Variants in MYH2 observed in about 807,000 individuals in gnomAD.
MYH2 encodes myosin heavy chain 2.
In MYH2, 139 loss-of-function variants were observed where a neutral mutation model predicts 228.1. That is an observed-to-expected ratio of 0.61 (90% confidence interval 0.53 to 0.70). The LOEUF (loss-of-function observed/expected upper bound fraction) is 0.70. Among genes scored for constraint, MYH2 ranks in the 30% least tolerant of loss-of-function variants. MYH2 has a pLI of 0.00. For synonymous variants in MYH2, 796 were observed against 871.1 expected, an observed-to-expected ratio of 0.91 and a Z score of 1.52; for missense variants, 1,809 against 2,357.5, an observed-to-expected ratio of 0.77 and a Z score of 4.82.
rs181340024 is a variant in MYH2, at chr17:10,533,272, A to G, written c.2441+13T>C. ...TTGAAGATGGAATATGTGAATAAAC[A>G]TATTTTTTATACCTTCTCTCCACCA... On this transcript the variant is annotated intron_variant, in intron 21 of 39. Coordinates refer to ENST00000245503, the MANE Select transcript of MYH2 (RefSeq NM_017534.6). 17 of 1,613,930 alleles carry G rather than the reference A, an allele frequency of 1.1e-5. No individual in the cohort carries two copies. The highest frequency in any genetic ancestry group is 3.3e-5 in the Admixed American group (2 of 60,002).
intron 39 of MYH2, 50 bp downstream of exon 39, chr17:10,523,040 G>A: frequency 7.7e-7 from 1 of 1,305,124 alleles, no homozygotes; most frequent in Non-Finnish European, 1.1e-6. Context: ...ACAAGAAGTA[G>A]TAATTATTTA....
Position 10,545,456 on chromosome 17 carries a change from A to G in MYH2, c.395T>C (p.Leu132Pro). 1.2e-6 allele frequency: 2 copies of G among 1,614,220 alleles called. No homozygotes were observed. The highest frequency in any genetic ancestry group is 1.7e-6 in the Non-Finnish European group (2 of 1,180,036). The change falls in exon 5 of 40, where the codon CTG (leucine) becomes CCG (proline). Residue 132 changes from leucine to proline, a missense_variant. By Grantham distance (98) the Leu-to-Pro change is moderately conservative (BLOSUM62 -3). Transcript: ENST00000245503. ...FCVTVNPYKW[L>P]PVYKPEVVTA... ...CACCACCTCGGGCTTATACACAGGC[A>G]GCCACTTGTAGGGGTTGACAGTGAC...
In MYH2 at chr17:10,547,629, G is replaced by C; in HGVS notation, c.205-11C>G. ...CTTCACTGTCAGAGTCTGGTAAACAGGAAAGATAACCGTTTACATTAATTG... is the reference window on the plus strand; with the variant it reads ...CTTCACTGTCAGAGTCTGGTAAACACGAAAGATAACCGTTTACATTAATTG... On this transcript the variant is annotated splice_polypyrimidine_tract_variant and intron_variant, in intron 3 of 39. Transcript: ENST00000245503. 6.2e-7 allele frequency: 1 copy of C among 1,614,126 alleles called. No individual in the cohort carries two copies. Among genetic ancestry groups the C allele is most frequent in the Non-Finnish European group, 8.5e-7 (1 of 1,180,022 alleles).
In MYH2 at chr17:10,529,549, T is replaced by A. The variant is rs2073398881; in HGVS notation, c.3117+15A>T. 6.2e-7 allele frequency: 1 copy of A among 1,614,124 alleles called. No individual in the cohort carries two copies. The highest frequency in any genetic ancestry group is 1.3e-5 in the African/African-American group (1 of 74,946). On this transcript the variant is annotated intron_variant, in intron 24 of 39. Transcript: ENST00000245503. The stretch of plus-strand genomic sequence containing the variant: ...CTTTAGAAGAAAAGAATGTCCTTGA[T>A]GATACCAGACTTACATCATCCACTT...
In MYH2 at chr17:10,537,211, A is replaced by G. The variant is rs759830754; in HGVS notation, c.1897+22T>C. 1.6e-5 allele frequency: 26 copies of G among 1,613,608 alleles called. No individual in the cohort carries two copies. The highest frequency in any genetic ancestry group is 2.0e-5 in the Non-Finnish European group (24 of 1,179,612). The stretch of plus-strand genomic sequence containing the variant: ...TCACATTTTGTAATACCTAGAGAGT[A>G]TTATTAACATTTGAGCATTACCTCC... On this transcript the variant is annotated intron_variant, in intron 16 of 39. Transcript: ENST00000245503. The surrounding 1 kb of genome is among the most constrained non-coding windows in gnomAD (Gnocchi z 4.0).
intron 5 of MYH2, 21 bp downstream of exon 5, chr17:10,545,325 C>G: frequency 6.2e-7 from 1 of 1,612,724 alleles, no homozygotes; most frequent in Non-Finnish European, 8.5e-7. Context: ...TACGCACTTG[C>G]AAAGCATTCG....
intron 27 of MYH2, 113 bp from the exon 28 acceptor site, chr17:10,527,987 A>G (rs2073374828): frequency 7.7e-7 from 1 of 1,304,652 alleles, no homozygotes; most frequent in Non-Finnish European, 1.0e-6. Flanking sequence ...TTATCTTAAT[A>G]TAGAAAAGAA....
chr17:10,544,820 C>T (rs2073604621), intron 5 of MYH2, among the ~76,000 whole-genome samples: 1 of 152,126 alleles, frequency 6.6e-6, no homozygotes, highest in Admixed American at 6.6e-5. Flanking sequence ...CCAAATACAC[C>T]TTAAATCTGG....
intron 21 of MYH2, among the ~76,000 whole-genome samples, chr17:10,532,515 C>T (rs755128134): frequency 3.9e-5 from 6 of 151,948 alleles, no homozygotes; most frequent in Non-Finnish European, 7.4e-5. Context: ...ATATATATAT[C>T]GTGGATCATG....
chr17:10,533,574 C>T lies in MYH2; in HGVS notation c.2239G>A (p.Ala747Thr). ...ATGGATGCAAGGAGCTTCTCAGAGG[C>T]CTTCTTGCTATCAATGAATTGCCCT... ...PEGQFIDSKK[A>T]SEKLLASIDI... The change falls in exon 20 of 40, where the codon GCC (alanine) becomes ACC (threonine). Residue 747 changes from alanine to threonine, a missense_variant. Around this residue, in one of 9 missense-constraint regions of MYH2, gnomAD observed 276 missense variants for 344.2 expected, o/e 0.80. Coordinates refer to ENST00000245503, the MANE Select transcript of MYH2 (RefSeq NM_017534.6). 6.2e-7 allele frequency: 1 copy of T among 1,614,100 alleles called. No homozygotes were observed. Among genetic ancestry groups the T allele is most frequent in the Non-Finnish European group, 8.5e-7 (1 of 1,179,954 alleles).
chr17:10,524,761 A>C lies in MYH2; in HGVS notation c.4967T>G (p.Leu1656Arg). The C allele has an allele frequency of 6.2e-7, 1 of 1,614,160 alleles. No individual in the cohort carries two copies. Among genetic ancestry groups the C allele is most frequent in the Non-Finnish European group, 8.5e-7 (1 of 1,180,034 alleles). ...CCATCTCTTGGACATATTTACCTTG[A>C]GGATGCCTTGGGTGTTCCTGTAGTT... The part of the protein sequence containing the change: ...LRNYRNTQGI[L>R]KDTQIHLDDA... Residue 1656 changes from leucine to arginine, a missense_variant, in exon 34 of 40, where the codon CTC becomes CGC. By Grantham distance (102) the Leu-to-Arg change is moderately radical. Transcript: ENST00000245503. This position sits in a 1 kb window ranked among gnomAD's most constrained non-coding sequence, Gnocchi z 4.7.
chr17:10,535,321 A>AGGATGGG lies in MYH2; in HGVS notation c.2012_2018dup (p.His674ProfsTer12). ...TGGGGATGATACACCTCACAAAGTGAGGATGGGTACTCCTGAGGTTGGTCA... is the reference window on the plus strand; with the variant it reads ...TGGGGATGATACACCTCACAAAGTGAGGATGGGGGATGGGTACTCCTGAGGTTGGTCA... On this transcript the variant is annotated frameshift_variant, in exon 18 of 40. Coordinates refer to ENST00000245503, the MANE Select transcript of MYH2 (RefSeq NM_017534.6). LOFTEE classifies it high-confidence loss of function. The AGGATGGG allele has an allele frequency of 6.2e-7, 1 of 1,614,204 alleles. No homozygotes were observed. Among genetic ancestry groups the AGGATGGG allele is most frequent in the South Asian group, 1.1e-5 (1 of 91,088 alleles).
chr17:10,549,631 C>T lies in MYH2; in HGVS notation c.-64+5G>A, dbSNP rs1567739449. ...TCTTGAAAGGCCCGTCCTGCTCCCA[C>T]TTACCTTGGAGCTTTTTAAAGCAGG... is the stretch of plus-strand genomic sequence containing the variant. On this transcript the variant is annotated splice_donor_5th_base_variant and intron_variant, in intron 1 of 39. Coordinates refer to ENST00000245503, the MANE Select transcript of MYH2 (RefSeq NM_017534.6). 2.6e-5 allele frequency: 4 copies of T among 152,204 alleles called. No homozygotes were observed. In the South Asian group the frequency reaches 8.3e-4, roughly 31 times the overall value. The allele number at this position is 152,204 out of a possible 1,614,324, so 9.4% of individuals were successfully genotyped here.
intron 16 of MYH2, 127 bp from the exon 17 acceptor site, chr17:10,536,733 G>GA: frequency 1.2e-6 from 1 of 827,916 alleles, no homozygotes; most frequent in Non-Finnish European, 2.0e-6. Flanking sequence ...GATTGAGCCT[G>GA]AATGAATCTT....
Position 10,525,296 on chromosome 17 carries a change from A to G in MYH2, c.4590T>C (p.His1530=), listed in dbSNP as rs1246983205. The G allele has an allele frequency of 4.3e-6, 7 of 1,614,072 alleles. No homozygotes were observed. The highest frequency in any genetic ancestry group is 1.1e-5 in the South Asian group (1 of 91,072). The change falls in exon 33 of 40, where the codon CAT becomes CAC. Residue 1530 remains histidine (H), a synonymous_variant. Coordinates refer to ENST00000245503, the MANE Select transcript of MYH2 (RefSeq NM_017534.6). The surrounding 1 kb of genome is among the most constrained non-coding windows in gnomAD (Gnocchi z 4.2). ...EQIAEGGKRI[H]ELEKIKKQVE... ...CTTGTTTCTTTATTTTCTCCAGTTC[A>G]TGGATACGTTTCCCTCCTTCTGCAA...
At chr17:10,549,557 A>G (rs1334021037) in intron 1 of MYH2, 79 bp downstream of exon 1, 1 of 152,266 alleles carries the variant, frequency 6.6e-6, no homozygotes, top group Admixed American at 6.5e-5. Flanking sequence ...AAGGAGCAGT[A>G]CCAGAACTAG....
At chr17:10,545,283 T>G in intron 5 of MYH2, 63 bp downstream of exon 5, 1 of 1,611,376 alleles carries the variant, frequency 6.2e-7, no homozygotes, top group Non-Finnish European at 8.5e-7. Flanking sequence ...TTGCCTCGAG[T>G]CTCTTTCTCC....
Position 10,542,729 on chromosome 17 carries a change from A to G in MYH2, c.904+146T>C, listed in dbSNP as rs2073573094. ...CTTTGAATTTTTCTAATGAGCACAT[A>G]TAAATTTTTACCAAACTCACAAAGC... is the stretch of plus-strand genomic sequence containing the variant. On this transcript the variant is annotated intron_variant, in intron 10 of 39. Coordinates refer to ENST00000245503, the MANE Select transcript of MYH2 (RefSeq NM_017534.6). The G allele has an allele frequency of 1.0e-5, 6 of 572,218 alleles. No homozygotes were observed. The South Asian group carries it at 1.6e-4, about 15-fold the overall frequency. 35.4% of individuals were successfully genotyped at this position (572,218 alleles called of 1,614,324 possible).
At chr17:10,543,234 A>T in intron 8 of MYH2, 73 bp from the exon 9 acceptor site, 3 of 1,130,620 alleles carry the variant, frequency 2.7e-6, no homozygotes, top group Non-Finnish European at 3.9e-6. Flanking sequence ...CAAACATTTG[A>T]TGCTGGTACT....
Sources: allele counts gnomAD v4.1 joint callset (sites outside exome capture counted in the v4.1 genomes callset), GRCh38; gene constraint gnomAD v4.1.1; regional missense constraint gnomAD v4.1.1; non-coding constraint Gnocchi (gnomAD v3.1); transcripts MANE v1.5; gene names NCBI Gene and HGNC (gene_info 2026-07-23, HGNC 2026-07-21).